The following SLC52A3 variants were observed in gnomAD, a reference collection of about 807,000 sequenced individuals.
The protein encoded by SLC52A3 is solute carrier family 52, riboflavin transporter, member 3.
Under a neutral mutation model 29.5 loss-of-function variants are expected in SLC52A3, and 20 were observed. The ratio of observed to expected loss-of-function variants is 0.68; its 90% CI spans 0.48 to 0.99. SLC52A3 has a LOEUF of 0.99. Among genes scored for constraint, SLC52A3 ranks in the 50% least tolerant of loss-of-function variants. The pLI is 0.00. For synonymous variants in SLC52A3, 301 were observed against 271.0 expected (o/e 1.11, Z -1.09); for missense variants, 548 against 612.9 (o/e 0.89, Z 1.12).
rs1338811980 is a variant in SLC52A3, at chr20:760,531, G to A, written c.*495C>T. 2 of 167,652 alleles carry A rather than the reference G, an allele frequency of 1.2e-5. No homozygotes were observed. Among genetic ancestry groups the A allele is most frequent in the Non-Finnish European group, 2.6e-5 (2 of 76,742 alleles). 10.4% of individuals were successfully genotyped at this position (167,652 alleles called of 1,614,324 possible). On this transcript the variant is annotated 3_prime_UTR_variant, in exon 5 of 5. Transcript: ENST00000645534. The surrounding 1 kb of genome is among the most constrained non-coding windows in gnomAD (Gnocchi z 4.9). ...AGACTGCCACTCTTGTTACTACGATGGACTGTCAGATCAGCAGGTGGCCCA... is the reference window on the plus strand; with the variant it reads ...AGACTGCCACTCTTGTTACTACGATAGACTGTCAGATCAGCAGGTGGCCCA...
intron 1 of SLC52A3, among the ~76,000 whole-genome samples, chr20:767,281 T>A (rs753137932): frequency 3.2e-4 from 48 of 152,244 alleles, no homozygotes; most frequent in Non-Finnish European, 6.8e-4. Flanking sequence ...AAACATGTTT[T>A]CTTTGCTTGT....
intron 1 of SLC52A3, among the ~76,000 whole-genome samples, chr20:768,020 C>G (rs1986740826): frequency 1.3e-5 from 2 of 152,196 alleles, no homozygotes; most frequent in Non-Finnish European, 2.9e-5. Flanking sequence ...GGGCAAGTGG[C>G]TTTGCCTCTC....
upstream of SLC52A3, among the ~76,000 whole-genome samples, chr20:778,856 A>T (rs547091362): frequency 1.2e-4 from 19 of 152,044 alleles, no homozygotes; most frequent in African/African-American, 4.6e-4. Context: ...CTGGGATTAC[A>T]GGCATGAGCC....
upstream of SLC52A3, among the ~76,000 whole-genome samples, chr20:779,630 A>T (rs1987157792): frequency 6.6e-6 from 1 of 152,226 alleles, no homozygotes. Context: ...AAGAAAACAA[A>T]AACAAGAGCG....
chr20:771,421 T>G (rs1473158152), upstream of SLC52A3, among the ~76,000 whole-genome samples: 1 of 102,736 alleles, frequency 9.7e-6, no homozygotes, highest in African/African-American at 2.8e-5. Context: ...AGCAAGACTC[T>G]TGTCTCAAAA....
intron 4 of SLC52A3, 122 bp downstream of exon 4, chr20:761,579 G>T: frequency 6.8e-7 from 1 of 1,470,498 alleles, no homozygotes; most frequent in Non-Finnish European, 9.3e-7. Flanking sequence ...CCCCCACCTG[G>T]GGCTTCCCGG....
chr20:764,539 G>GGGAGAATCCCCCACCC (rs1555783842), intron 2 of SLC52A3, among the ~76,000 whole-genome samples: 2 of 152,138 alleles, frequency 1.3e-5, no homozygotes, highest in African/African-American at 2.4e-5. Flanking sequence ...CCCACCTAAG[G>GGGAGAATCCCCCACCC]AAGAACACTG....
At position 765,277 on chromosome 20, in the gene SLC52A3, G is replaced by A. The variant is rs377618514; in HGVS notation, c.498C>T (p.Cys166=). 6.2e-6 allele frequency: 10 copies of A among 1,614,058 alleles called. No individual in the cohort carries two copies. The highest frequency in any genetic ancestry group is 4.0e-5 in the African/African-American group (3 of 74,920). ...ALAQGSGLTT[C]VNVTEISDSV... is the part of the protein sequence containing the mutation. ...TGTCTGATATCTCAGTGACATTGAC[G>A]CAGGTAGTGAGACCGGAGCCCTGGG... Residue 166 remains cysteine (C), a synonymous_variant, in exon 2 of 5, where the codon TGC becomes TGT. Transcript: ENST00000645534. The surrounding 1 kb of genome is among the most constrained non-coding windows in gnomAD (Gnocchi z 6.6).
Position 765,538 on chromosome 20 carries a change from C to A in SLC52A3, c.237G>T (p.Leu79=). The change falls in exon 2 of 5, where the codon CTG becomes CTT. Residue 79 remains leucine, a synonymous_variant. Transcript: ENST00000645534. The surrounding 1 kb of genome is among the most constrained non-coding windows in gnomAD (Gnocchi z 6.6). ...TGATGCAGGTGACGGTTCCCACGCC[C>A]AGCAGGGTGAAGATGATGGGCACTT... The part of the protein sequence containing the change: ...LSEVPIIFTL[L]GVGTVTCIIF... The A allele has an allele frequency of 6.3e-7, 1 of 1,576,324 alleles. No homozygotes were observed. The highest frequency in any genetic ancestry group is 1.3e-5 in the African/African-American group (1 of 74,312).
upstream of SLC52A3, among the ~76,000 whole-genome samples, chr20:769,543 C>T (rs1986785847): frequency 6.6e-6 from 1 of 152,186 alleles, no homozygotes; most frequent in East Asian, 1.9e-4. Context: ...ATAGTGAGGG[C>T]TCAATGAACC....
chr20:767,800 G>T (rs1986734001), intron 1 of SLC52A3, among the ~76,000 whole-genome samples: 5 of 152,064 alleles, frequency 3.3e-5, no homozygotes, highest in Non-Finnish European at 1.5e-5. Context: ...GTGGCCTTTG[G>T]AGACCACTTC....
chr20:765,841 AC>A lies in SLC52A3; in HGVS notation c.-51-17del. On this transcript the variant is annotated splice_polypyrimidine_tract_variant and intron_variant, in intron 1 of 4. Coordinates refer to ENST00000645534, the MANE Select transcript of SLC52A3 (RefSeq NM_033409.4). The surrounding 1 kb of genome is among the most constrained non-coding windows in gnomAD (Gnocchi z 6.6). ...TGCAGCGGGGCTGGCAGAGAAGGAC[AC>A]CAGGTGAGTAATTCCAGCTTCACCA... is the stretch of plus-strand genomic sequence containing the variant. 2 of 1,483,602 alleles carry A rather than the reference AC, an allele frequency of 1.3e-6. No individual in the cohort carries two copies. The highest frequency in any genetic ancestry group is 1.9e-6 in the Non-Finnish European group (2 of 1,077,582). The allele number at this position is 1,483,602 out of a possible 1,614,324, so 91.9% of individuals were successfully genotyped here.
chr20:764,549 G>C (rs1035039933), intron 2 of SLC52A3, among the ~76,000 whole-genome samples: 1 of 26,420 alleles, frequency 3.8e-5, no homozygotes, highest in African/African-American at 8.8e-5. Context: ...GAAGAACACT[G>C]CTCCACCCAT....
rs894932101 is a variant in SLC52A3 at position 765,751 on chromosome 20, C to T, written c.24G>A (p.Leu8=). MAFLMHL[L]VCVFGMGSWV... ...AGGAGCCCATTCCGAAGACGCAGACCAGCAGGTGCATCAGGAAGGCCATGG... is the reference window on the plus strand; with the variant it reads ...AGGAGCCCATTCCGAAGACGCAGACTAGCAGGTGCATCAGGAAGGCCATGG... Residue 8 remains leucine, a synonymous_variant, in exon 2 of 5, where the codon CTG becomes CTA. Transcript: ENST00000645534. This position sits in a 1 kb window ranked among gnomAD's most constrained non-coding sequence, Gnocchi z 6.6. The T allele has an allele frequency of 1.9e-6, 3 of 1,608,034 alleles. No homozygotes were observed. Among genetic ancestry groups the T allele is most frequent in the Non-Finnish European group, 1.7e-6 (2 of 1,178,156 alleles).
In SLC52A3 at chr20:765,137, G is replaced by A. The variant is rs1986630491; in HGVS notation, c.567+71C>T. 10 of 1,542,874 alleles carry A rather than the reference G, an allele frequency of 6.5e-6. No homozygotes were observed. Among genetic ancestry groups the A allele is most frequent in the Admixed American group, 5.0e-5 (3 of 59,456 alleles). On this transcript the variant is annotated intron_variant, in intron 2 of 4. Coordinates refer to ENST00000645534, the MANE Select transcript of SLC52A3 (RefSeq NM_033409.4). The surrounding 1 kb of genome is among the most constrained non-coding windows in gnomAD (Gnocchi z 6.6). ...CCAAAGAACCTAGAAGGATGGAGGT[G>A]AGCAGTTTTTCCCTCCCCTACATTT...
rs1986674155 is a variant in SLC52A3, at chr20:765,963, G to C, written c.-51-138C>G. ...TTTTTTTTTTTTCCTTTGAGACATA[G>C]TTTCACTCTTTTAGTCCAGGCTGGA... On this transcript the variant is annotated intron_variant, in intron 1 of 4. Coordinates refer to ENST00000645534, the MANE Select transcript of SLC52A3 (RefSeq NM_033409.4). The surrounding 1 kb of genome is among the most constrained non-coding windows in gnomAD (Gnocchi z 6.6). 1 of 615,852 alleles carries C rather than the reference G, an allele frequency of 1.6e-6. No homozygotes were observed. The highest frequency in any genetic ancestry group is 2.9e-6 in the Non-Finnish European group (1 of 350,438). The allele number at this position is 615,852 out of a possible 1,614,324, so 38.1% of individuals were successfully genotyped here. A position where few individuals can be genotyped will look rare whatever the true frequency, so the allele number is the denominator to read the frequency against.
At position 768,440 on chromosome 20, in the gene SLC52A3, T is replaced by C. The variant is rs1311068941; in HGVS notation, c.-195A>G. The C allele has an allele frequency of 6.6e-6, 1 of 152,222 alleles. No individual in the cohort carries two copies. The highest frequency in any genetic ancestry group is 1.5e-5 in the Non-Finnish European group (1 of 68,080). 9.4% of individuals were successfully genotyped at this position (152,222 alleles called of 1,614,324 possible). The stretch of plus-strand genomic sequence containing the variant: ...CTGCAGCAAGCGGCCTGTCCGGGAC[T>C]CCTCAGTTCACGCTGCAGTCTTTAA... On this transcript the variant is annotated 5_prime_UTR_variant, in exon 1 of 5. Coordinates refer to ENST00000645534, the MANE Select transcript of SLC52A3 (RefSeq NM_033409.4).
At chr20:761,465 G>C in intron 4 of SLC52A3, 2 of 736,856 alleles carry the variant, frequency 2.7e-6, no homozygotes, top group Non-Finnish European at 4.4e-6. Flanking sequence ...ATCAGGGCAA[G>C]GGCCCTTGAG....
At chr20:774,184 G>A (rs933155068) in intron 1 of SLC52A3, among the ~76,000 whole-genome samples, 3 of 152,234 alleles carry the variant, frequency 2.0e-5, no homozygotes, top group African/African-American at 7.2e-5. Flanking sequence ...TCTGCCAGCT[G>A]GTAGGCACCT....
Sources: allele counts gnomAD v4.1 joint callset (sites outside exome capture counted in the v4.1 genomes callset), GRCh38; gene constraint gnomAD v4.1.1; non-coding constraint Gnocchi (gnomAD v3.1); transcripts MANE v1.5; gene names NCBI Gene and HGNC (gene_info 2026-07-23, HGNC 2026-07-21).